Variants in SNCAIP observed in about 807,000 individuals in gnomAD.
The protein encoded by SNCAIP is synuclein alpha interacting protein.
SNCAIP carries 43 observed loss-of-function variants against 86.7 expected under a neutral mutation model. The observed-to-expected ratio is 0.50, with a 90% confidence interval of 0.39 to 0.64. The LOEUF is 0.64. Among genes scored for constraint, SNCAIP ranks in the 30% least tolerant of loss-of-function variants. SNCAIP has a pLI of 0.00. For synonymous variants in SNCAIP, 417 were observed against 427.2 expected (o/e 0.98, Z 0.29); for missense variants, 981 against 1,103.1 (o/e 0.89, Z 1.57).
In SNCAIP at chr5:122,347,935, T is replaced by C. The variant is rs569481693; in HGVS notation, c.-47+35651T>C. Among the ~76,000 whole-genome samples the C allele has an allele frequency of 1.1e-4, 16 of 152,244 alleles. 1 individual carries two copies. The highest frequency in any genetic ancestry group is 3.8e-4 in the African/African-American group (16 of 41,578). ...AAAGTGTTTCCCTTTTTATTTCCCA[T>C]TTTTTTGTTGGCCTTTGAATATCCA... On this transcript the variant is annotated intron_variant, in intron 1 of 10. Coordinates refer to ENST00000261368, the MANE Select transcript of SNCAIP (RefSeq NM_005460.4).
At chr5:122,418,610 G>A (rs1209015851) in intron 3 of SNCAIP, among the ~76,000 whole-genome samples, 2 of 152,058 alleles carry the variant, frequency 1.3e-5, no homozygotes, top group African/African-American at 4.8e-5. Flanking sequence ...TTTCGAATAG[G>A]GAATTGTAAG....
chr5:122,446,235 A>G (rs1477051963), intron 8 of SNCAIP, among the ~76,000 whole-genome samples: 2 of 152,258 alleles, frequency 1.3e-5, no homozygotes, highest in Non-Finnish European at 2.9e-5. Flanking sequence ...CAAAAGACAT[A>G]CATATTTAAA....
At chr5:122,457,606 T>TCTCTCTCA (rs1281647120) in intron 10 of SNCAIP, among the ~76,000 whole-genome samples, 1 of 152,006 alleles carries the variant, frequency 6.6e-6, no homozygotes, top group Non-Finnish European at 1.5e-5. Context: ...ACTCTTTCTC[T>TCTCTCTCA]CTCTCTCACT....
intron 1 of SNCAIP, among the ~76,000 whole-genome samples, chr5:122,383,995 AATG>A (rs1767554824): frequency 6.6e-6 from 1 of 152,196 alleles, no homozygotes; most frequent in Non-Finnish European, 1.5e-5. Flanking sequence ...ACGTTTTGTT[AATG>A]ATGATGATGG....
At chr5:122,355,135 A>G (rs1242050046) in intron 1 of SNCAIP, among the ~76,000 whole-genome samples, 1 of 152,218 alleles carries the variant, frequency 6.6e-6, no homozygotes, top group East Asian at 1.9e-4. Flanking sequence ...TTTCATGCAA[A>G]GACTTTCCTA....
upstream of SNCAIP, chr5:122,311,828 G>C (rs931860274): frequency 6.6e-6 from 1 of 152,636 alleles, no homozygotes; most frequent in African/African-American, 2.4e-5. Flanking sequence ...GGGCAGGCCG[G>C]GGGATCCCTG....
At chr5:122,380,799 T>G (rs1265990715) in intron 1 of SNCAIP, among the ~76,000 whole-genome samples, 12 of 152,000 alleles carry the variant, frequency 7.9e-5, no homozygotes, top group South Asian at 2.1e-4. Context: ...TCGTTATGTA[T>G]CCAGTAGTCA....
chr5:122,397,421 G>A (rs1317564259), intron 2 of SNCAIP, among the ~76,000 whole-genome samples: 6 of 152,182 alleles, frequency 3.9e-5, no homozygotes, highest in African/African-American at 7.2e-5. Context: ...TTGCAATAGA[G>A]TAGTTCCTGA....
chr5:122,451,383 C>T lies in SNCAIP; in HGVS notation c.2536C>T (p.Arg846Trp), dbSNP rs770364128. Residue 846 changes from arginine to tryptophan, a missense_variant, in exon 10 of 11, where the codon CGG (arginine) becomes TGG (tryptophan). Coordinates refer to ENST00000261368, the MANE Select transcript of SNCAIP (RefSeq NM_005460.4). ...KDKDKGRTLQRTSTSNESGDQ... is the reference protein window; with the variant it reads ...KDKDKGRTLQWTSTSNESGDQ... ...CAAAGATAAGGGCAGGACTCTCCAG[C>T]GGACCTCCACAAGTAACGAATCGGG... 2.5e-5 allele frequency: 41 copies of T among 1,613,958 alleles called. No homozygotes were observed. The Admixed American group carries it at 3.8e-4, about 15-fold the overall frequency.
At chr5:122,348,456 T>C (rs557984134) in intron 1 of SNCAIP, among the ~76,000 whole-genome samples, 2 of 152,224 alleles carry the variant, frequency 1.3e-5, no homozygotes, top group South Asian at 4.1e-4. Flanking sequence ...TATTCACTGA[T>C]GAAATGACTA....
chr5:122,385,750 G>T (rs1561638840), intron 1 of SNCAIP, among the ~76,000 whole-genome samples: 2 of 151,480 alleles, frequency 1.3e-5, no homozygotes, highest in African/African-American at 2.4e-5. Context: ...CTAAGAGCTG[G>T]TATATTAAAA....
At chr5:122,377,520 GAA>G (rs1765609879) in intron 1 of SNCAIP, among the ~76,000 whole-genome samples, 3 of 147,790 alleles carry the variant, frequency 2.0e-5, no homozygotes, top group South Asian at 4.4e-4. Context: ...GAGAGAGAGA[GAA>G]AGAAAGAAAG....
At chr5:122,318,966 CTTTTTTTTTT>C (rs58667095) in intron 1 of SNCAIP, among the ~76,000 whole-genome samples, 1 of 130,654 alleles carries the variant, frequency 7.7e-6, no homozygotes. Flanking sequence ...CTGTTATCAT[CTTTTTTTTTT>C]TTTTTTTTTT....
intron 3 of SNCAIP, among the ~76,000 whole-genome samples, chr5:122,421,292 C>T (rs1381168148): frequency 2.6e-5 from 4 of 152,178 alleles, no homozygotes; most frequent in Admixed American, 1.3e-4. Context: ...AAACCTCATG[C>T]AAAACTGTGG....
intron 1 of SNCAIP, among the ~76,000 whole-genome samples, chr5:122,361,559 T>A (rs983145268): frequency 1.3e-5 from 2 of 152,178 alleles, no homozygotes; most frequent in African/African-American, 2.4e-5. Flanking sequence ...GCTGTTTTTT[T>A]AAAAAACAGC....
At chr5:122,347,479 T>A (rs959660083) in intron 1 of SNCAIP, among the ~76,000 whole-genome samples, 2 of 151,870 alleles carry the variant, frequency 1.3e-5, no homozygotes, top group Middle Eastern at 3.2e-3. Flanking sequence ...TGAGTGTTTT[T>A]CTATGTGTAT....
At chr5:122,431,699 G>A (rs1581208749) in intron 5 of SNCAIP, among the ~76,000 whole-genome samples, 1 of 152,056 alleles carries the variant, frequency 6.6e-6, no homozygotes, top group Non-Finnish European at 1.5e-5. Flanking sequence ...ATATTTTATA[G>A]TATACAAATT....
intron 1 of SNCAIP, chr5:122,321,606 TG>T (rs1752949367): frequency 6.6e-6 from 1 of 152,208 alleles, no homozygotes; most frequent in Non-Finnish European, 1.5e-5. Flanking sequence ...CCATTGGCAG[TG>T]GGTACATGGT....
chr5:122,395,740 T>C (rs1770469497), intron 2 of SNCAIP, among the ~76,000 whole-genome samples: 1 of 152,140 alleles, frequency 6.6e-6, no homozygotes, highest in Non-Finnish European at 1.5e-5. Context: ...TTGTTACATT[T>C]TGAGAAAGAC....
Sources: allele counts gnomAD v4.1 joint callset (sites outside exome capture counted in the v4.1 genomes callset), GRCh38; gene constraint gnomAD v4.1.1; transcripts MANE v1.5; gene names NCBI Gene and HGNC (gene_info 2026-07-23, HGNC 2026-07-21).